Variants in SIRT4 observed in about 807,000 individuals in gnomAD.
SIRT4 encodes NAD-dependent protein lipoamidase sirtuin-4, mitochondrial.
In SIRT4, 23 loss-of-function variants were observed where a neutral mutation model predicts 26.1. The observed-to-expected ratio is 0.88, with a 90% CI of 0.63 to 1.25. The LOEUF (loss-of-function observed/expected upper bound fraction) is 1.25, where lower values mean the gene tolerates loss of function less well. Ranked by LOEUF, SIRT4 falls within the 50% of genes most tolerant of loss-of-function variation. SIRT4 has a pLI of 0.00. For missense variants in SIRT4, 361 were observed against 405.4 expected (o/e 0.89, Z 0.94); for synonymous variants, 155 against 158.4 (o/e 0.98, Z 0.16).
chr12:120,306,424 G>A (rs1338297086), intron 2 of SIRT4, among the ~76,000 whole-genome samples: 5 of 151,512 alleles, frequency 3.3e-5, no homozygotes, highest in Non-Finnish European at 7.4e-5. Flanking sequence ...GCGGTGAGCC[G>A]AGATTGTGCC....
the SIRT4 span, chr12:120,293,238 A>C: frequency 1.3e-5 from 2 of 152,148 alleles, no homozygotes; most frequent in Non-Finnish European, 1.5e-5. Context: ...GCGCAAAGCT[A>C]ATTTGTTACG....
the SIRT4 span, chr12:120,293,197 G>C: frequency 3.3e-5 from 5 of 152,160 alleles, no homozygotes; most frequent in East Asian, 1.9e-4. Flanking sequence ...TCGCGCCTCG[G>C]ATAGACCTCA....
the SIRT4 span, among the ~76,000 whole-genome samples, chr12:120,296,513 T>G: frequency 9.0e-6 from 1 of 110,602 alleles, no homozygotes; most frequent in Non-Finnish European, 1.9e-5. Flanking sequence ...TGTTTTTTTT[T>G]TTGTTTTTTT....
At chr12:120,293,232 A>G in the SIRT4 span, 3 of 152,196 alleles carry the variant, frequency 2.0e-5, no homozygotes, top group African/African-American at 4.8e-5. Context: ...GCCACTGCGC[A>G]AAGCTAATTT....
upstream of SIRT4, among the ~76,000 whole-genome samples, chr12:120,297,316 C>CAAAAAAA (rs56259520): frequency 4.4e-5 from 3 of 67,642 alleles, no homozygotes; most frequent in African/African-American, 1.1e-4. Context: ...CGCCTGTAAT[C>CAAAAAAA]AAAAAAAAAA....
At chr12:120,305,649 GCT>G (rs1010074302) in intron 2 of SIRT4, among the ~76,000 whole-genome samples, 56 of 152,202 alleles carry the variant, frequency 3.7e-4, no homozygotes, top group African/African-American at 1.3e-3. Flanking sequence ...TTTTGACTCT[GCT>G]CCTCCCAAGG....
chr12:120,310,154 G>T (rs1000295953), intron 2 of SIRT4, among the ~76,000 whole-genome samples: 5 of 151,980 alleles, frequency 3.3e-5, no homozygotes, highest in African/African-American at 1.2e-4. Context: ...TTTTGGCTAG[G>T]CGTGGTGGCT....
At chr12:120,298,196 CAAAAAAAAA>C (rs56752571), upstream of SIRT4, among the ~76,000 whole-genome samples, 1 of 21,060 alleles carries the variant, frequency 4.7e-5, no homozygotes. Context: ...AACTCCATCT[CAAAAAAAAA>C]AAAAAAAAAA....
chr12:120,308,470 C>G (rs1592899901), intron 2 of SIRT4, among the ~76,000 whole-genome samples: 4 of 151,952 alleles, frequency 2.6e-5, no homozygotes. Context: ...ACAGCGCCTG[C>G]CCCAAGAAAG....
chr12:120,293,428 G>A, the SIRT4 span, among the ~76,000 whole-genome samples: 3 of 152,150 alleles, frequency 2.0e-5, no homozygotes, highest in Admixed American at 1.3e-4. Context: ...GGTTTTTGTT[G>A]ATATGAAGCA....
chr12:120,296,219 T>A, the SIRT4 span, among the ~76,000 whole-genome samples: 1 of 147,030 alleles, frequency 6.8e-6, no homozygotes, highest in Non-Finnish European at 1.5e-5. Flanking sequence ...TATACAAAAA[T>A]GACATTTTTT....
chr12:120,303,900 G>A lies in SIRT4; in HGVS notation c.339G>A (p.Trp113Ter). ...QRYWARNFVG[W>*]PQFSSHQPNP... The stretch of plus-strand genomic sequence containing the variant: ...ACTGGGCGAGAAACTTCGTAGGCTG[G>A]CCTCAATTCTCCTCCCACCAGCCTA... Residue 113 changes from tryptophan (W) to a stop codon, truncating the protein, a stop_gained, in exon 2 of 4, where the codon TGG (tryptophan) becomes TGA (stop). Coordinates refer to ENST00000202967, the MANE Select transcript of SIRT4 (RefSeq NM_012240.3). LOFTEE classifies it high-confidence loss of function. 6.2e-7 allele frequency: 1 copy of A among 1,614,160 alleles called. No homozygotes were observed. Among genetic ancestry groups the A allele is most frequent in the Non-Finnish European group, 8.5e-7 (1 of 1,180,032 alleles).
chr12:120,301,363 AAC>A (rs199822878), upstream of SIRT4, among the ~76,000 whole-genome samples: 8 of 25,978 alleles, frequency 3.1e-4, no homozygotes, highest in East Asian at 0.034. Flanking sequence ...ACAAACAAAC[AAC>A]AACAACAACA....
intron 1 of SIRT4, among the ~76,000 whole-genome samples, 162 bp from the exon 2 acceptor site, chr12:120,303,399 C>T (rs1441141224): frequency 2.0e-5 from 3 of 151,324 alleles, no homozygotes; most frequent in East Asian, 2.0e-4. Flanking sequence ...CACTTGAACC[C>T]GGGAGGCGGC....
chr12:120,312,112 G>A (rs1184881752), intron 2 of SIRT4, among the ~76,000 whole-genome samples: 4 of 151,938 alleles, frequency 2.6e-5, no homozygotes, highest in Admixed American at 1.3e-4. Flanking sequence ...GTGAAACACC[G>A]TCTCTACCAA....
chr12:120,294,320 T>C, the SIRT4 span, among the ~76,000 whole-genome samples: 2 of 150,376 alleles, frequency 1.3e-5, no homozygotes, highest in African/African-American at 4.9e-5. Context: ...TTTTTTTTTT[T>C]GAGACGAAGT....
chr12:120,312,957 C>G lies in SIRT4; in HGVS notation c.866C>G (p.Pro289Arg). 6.2e-7 allele frequency: 1 copy of G among 1,614,136 alleles called. No individual in the cohort carries two copies. The highest frequency in any genetic ancestry group is 8.5e-7 in the Non-Finnish European group (1 of 1,180,046). The stretch of plus-strand genomic sequence containing the variant: ...CCGATTGCAATACTGAACATTGGGC[C>G]CACACGGTCGGATGACTTGGCGTGT... ...KLPIAILNIG[P>R]TRSDDLACLK... Residue 289 changes from proline to arginine, a missense_variant, in exon 4 of 4, where the codon CCC (proline) becomes CGC (arginine). Coordinates refer to ENST00000202967, the MANE Select transcript of SIRT4 (RefSeq NM_012240.3).
the SIRT4 span, among the ~76,000 whole-genome samples, chr12:120,292,206 G>T: frequency 6.6e-6 from 1 of 152,212 alleles, no homozygotes. Flanking sequence ...GGGAAAGCGA[G>T]CCTGGAGGGC....
At chr12:120,295,820 G>A in the SIRT4 span, among the ~76,000 whole-genome samples, 1 of 151,838 alleles carries the variant, frequency 6.6e-6, no homozygotes. Flanking sequence ...CGCTTTGGGA[G>A]GCCAAGGCAG....
Sources: gnomAD v4.1 joint callset for allele counts (sites outside exome capture counted in the v4.1 genomes callset) on GRCh38, gnomAD v4.1.1 for gene constraint, MANE v1.5 for transcripts, NCBI Gene and HGNC (gene_info 2026-07-23, HGNC 2026-07-21) for gene names.